Variants in STXBP5 observed in about 807,000 individuals in gnomAD.
The protein encoded by STXBP5 is syntaxin-binding protein 5.
Under a neutral mutation model 152.4 loss-of-function variants are expected in STXBP5, and 50 were observed. The ratio of observed to expected loss-of-function variants is 0.33; its 90% CI spans 0.26 to 0.42. STXBP5 has a LOEUF of 0.42. Ranked by LOEUF, STXBP5 falls within the 10% of genes least tolerant of loss-of-function variation. STXBP5 has a pLI of 1.00. For synonymous variants in STXBP5, 492 were observed against 494.7 expected (o/e 0.99, Z 0.07); for missense variants, 1,167 against 1,388.6 (o/e 0.84, Z 2.54).
At position 147,234,098 on chromosome 6, in the gene STXBP5, CA is replaced by C. The variant is rs1164699795; in HGVS notation, c.249-1151del. On this transcript the variant is annotated intron_variant, in intron 2 of 27. Coordinates refer to ENST00000321680, the MANE Select transcript of STXBP5 (RefSeq NM_001127715.4). ...AATTAAACCTATGGCACAATTTTTT[CA>C]TTAAGAACTTTGTGGCATGTATTAA... 2.0e-5 allele frequency among the ~76,000 whole-genome samples: 3 copies of C among 151,706 alleles called. No individual in the cohort carries two copies. In the East Asian group the frequency reaches 5.8e-4, roughly 29 times the overall value.
intron 26 of STXBP5, among the ~76,000 whole-genome samples, chr6:147,377,671 CCT>C (rs1466244076): frequency 2.0e-5 from 3 of 152,096 alleles, no homozygotes; most frequent in Non-Finnish European, 4.4e-5. Context: ...ACCTCTCTGG[CCT>C]CTTTTTAAGG....
chr6:147,343,809 T>A (rs1333616028), intron 21 of STXBP5, among the ~76,000 whole-genome samples: 1 of 152,220 alleles, frequency 6.6e-6, no homozygotes, highest in Non-Finnish European at 1.5e-5. Flanking sequence ...AAAATAGTGC[T>A]AGTATTTCTA....
At chr6:147,341,405 G>T (rs1496031) in intron 21 of STXBP5, among the ~76,000 whole-genome samples, 82,872 of 151,676 alleles carry the variant, frequency 0.55, 22,994 homozygotes, top group Middle Eastern at 0.61. Context: ...TGAACTCACC[G>T]TATCATCCGA....
chr6:147,235,386 G>C, intron 3 of STXBP5, 55 bp downstream of exon 3: 1 of 1,405,424 alleles, frequency 7.1e-7, no homozygotes, highest in Non-Finnish European at 9.9e-7. Context: ...GCCACTTCTA[G>C]TCTTTCAGAT....
chr6:147,326,506 G>C (rs1783265150), intron 17 of STXBP5, among the ~76,000 whole-genome samples: 1 of 152,174 alleles, frequency 6.6e-6, no homozygotes, highest in Non-Finnish European at 1.5e-5. Flanking sequence ...ACAATCTTAA[G>C]TAACCATGAT....
At chr6:147,372,172 T>A (rs1271954015) in intron 25 of STXBP5, among the ~76,000 whole-genome samples, 1 of 152,046 alleles carries the variant, frequency 6.6e-6, no homozygotes, top group Non-Finnish European at 1.5e-5. Context: ...TTCAGTCTTA[T>A]AAATAAAACT....
At chr6:147,363,046 G>T (rs761052822) in intron 23 of STXBP5, among the ~76,000 whole-genome samples, 7 of 152,254 alleles carry the variant, frequency 4.6e-5, no homozygotes, top group African/African-American at 1.7e-4. Context: ...CCAGCATGTC[G>T]TTTGTTTATT....
chr6:147,210,811 GATT>G (rs1776810163), intron 2 of STXBP5, among the ~76,000 whole-genome samples: 2 of 152,112 alleles, frequency 1.3e-5, no homozygotes, highest in Admixed American at 1.3e-4. Context: ...GTGGATACAT[GATT>G]ATTACATTAT....
intron 26 of STXBP5, 60 bp from the exon 27 acceptor site, chr6:147,382,718 T>C: frequency 6.4e-7 from 1 of 1,557,364 alleles, no homozygotes; most frequent in South Asian, 1.2e-5. Context: ...TGTAGTAGGA[T>C]TTTATATTAG....
chr6:147,292,208 A>G (rs1259625875), intron 9 of STXBP5: 10 of 449,302 alleles, frequency 2.2e-5, no homozygotes, highest in Admixed American at 1.5e-4. Context: ...AGGCTAAAAT[A>G]TATATATAAA....
chr6:147,214,546 T>C (rs1043890799), intron 2 of STXBP5, among the ~76,000 whole-genome samples: 1 of 152,222 alleles, frequency 6.6e-6, no homozygotes, highest in African/African-American at 2.4e-5. Context: ...ATAATTCTTA[T>C]GTTTAAAACC....
intron 25 of STXBP5, among the ~76,000 whole-genome samples, chr6:147,367,422 A>G (rs1171433309): frequency 6.6e-6 from 1 of 152,086 alleles, no homozygotes; most frequent in Non-Finnish European, 1.5e-5. Context: ...GTGGATCACA[A>G]GGTCAGGAGA....
intron 22 of STXBP5, among the ~76,000 whole-genome samples, chr6:147,357,854 T>C (rs763925372): frequency 2.6e-5 from 4 of 152,116 alleles, no homozygotes; most frequent in African/African-American, 9.7e-5. Flanking sequence ...GGGGAAATTA[T>C]ATGGTTTGGT....
rs746646121 is a variant in STXBP5 at position 147,364,084 on chromosome 6, A to G, written c.2999A>G (p.Asn1000Ser). The part of the protein sequence containing the change: ...MRIARTFCFT[N>S]NGQALYLVSP... ...ATAGCCAGAACGTTCTGCTTTACCA[A>G]CAATGGACAAGCATTATACCTTGTT... The change falls in exon 25 of 28, where the codon AAC becomes AGC. Residue 1000 changes from asparagine (N) to serine (S), a missense_variant. Asn to Ser is a conservative substitution (Grantham distance 46). Around this residue, in one of 3 missense-constraint regions of STXBP5, gnomAD observed 833 missense variants for 986.3 expected, o/e 0.84. Coordinates refer to ENST00000321680, the MANE Select transcript of STXBP5 (RefSeq NM_001127715.4). 3.7e-6 allele frequency: 6 copies of G among 1,613,962 alleles called. No individual in the cohort carries two copies. Among genetic ancestry groups the G allele is most frequent in the South Asian group, 1.1e-5 (1 of 91,084 alleles).
intron 25 of STXBP5, among the ~76,000 whole-genome samples, chr6:147,370,347 T>C (rs1785483507): frequency 6.6e-6 from 1 of 152,096 alleles, no homozygotes; most frequent in Non-Finnish European, 1.5e-5. Context: ...TATATGCATA[T>C]GGCGAAATTC....
chr6:147,211,510 C>T (rs117420566), intron 2 of STXBP5, among the ~76,000 whole-genome samples: 2,380 of 151,474 alleles, frequency 0.016, 30 homozygotes, highest in Admixed American at 0.027. Flanking sequence ...CATAATTATA[C>T]CATGGAAAAA....
Position 147,316,318 on chromosome 6 carries a change from G to T in STXBP5, c.1713G>T (p.Gly571=), listed in dbSNP as rs1340049517. The change falls in exon 16 of 28, where the codon GGG becomes GGT. Residue 571 remains glycine (G), a synonymous_variant. Coordinates refer to ENST00000321680, the MANE Select transcript of STXBP5 (RefSeq NM_001127715.4). ...QPPPLPTPVG[G]SNPQPIPPQS... is the part of the protein sequence containing the mutation. ...CACCTTTGCCAACACCCGTGGGAGGGTCCAACCCTCAGCCCATCCCTCCTC... is the reference window on the plus strand; with the variant it reads ...CACCTTTGCCAACACCCGTGGGAGGTTCCAACCCTCAGCCCATCCCTCCTC... 1.2e-6 allele frequency: 2 copies of T among 1,613,438 alleles called. No individual in the cohort carries two copies. The highest frequency in any genetic ancestry group is 1.7e-6 in the Non-Finnish European group (2 of 1,179,754).
chr6:147,217,157 A>G (rs1777211953), intron 2 of STXBP5, among the ~76,000 whole-genome samples: 1 of 152,186 alleles, frequency 6.6e-6, no homozygotes, highest in African/African-American at 2.4e-5. Context: ...CAGCTATTGC[A>G]GTACTTTCTG....
chr6:147,365,836 A>G (rs1785266182), intron 25 of STXBP5, among the ~76,000 whole-genome samples: 1 of 152,200 alleles, frequency 6.6e-6, no homozygotes, highest in African/African-American at 2.4e-5. Context: ...AGCCCAAAAT[A>G]AAGAAGATGC....
Sources: allele counts gnomAD v4.1 joint callset (sites outside exome capture counted in the v4.1 genomes callset), GRCh38; gene constraint gnomAD v4.1.1; regional missense constraint gnomAD v4.1.1; transcripts MANE v1.5; gene names NCBI Gene and HGNC (gene_info 2026-07-23, HGNC 2026-07-21).